The following ADAMTS18 variants were observed in gnomAD, a reference collection of about 807,000 sequenced individuals.
The protein encoded by ADAMTS18 is ADAM metallopeptidase with thrombospondin type 1 motif 18, also known as A disintegrin and metalloproteinase with thrombospondin motifs 18.
In ADAMTS18, 157 loss-of-function variants were observed where a neutral mutation model predicts 165.9. That is an observed-to-expected ratio of 0.95 (90% CI 0.83 to 1.08). The LOEUF (loss-of-function observed/expected upper bound fraction) is 1.08, where lower values mean the gene tolerates loss of function less well. ADAMTS18 is among the 50% of genes least tolerant of loss of function. ADAMTS18 has a pLI of 0.00. For synonymous variants in ADAMTS18, 782 were observed against 578.2 expected, an observed-to-expected ratio of 1.35 and a Z score of -5.06; for missense variants, 2,040 against 1,534.0, an observed-to-expected ratio of 1.33 and a Z score of -5.51.
At chr16:77,378,894 T>A (rs1002235774) in intron 3 of ADAMTS18, 1 of 152,174 alleles carries the variant, frequency 6.6e-6, no homozygotes, top group African/African-American at 2.4e-5. Flanking sequence ...TCCCCTTCAG[T>A]TGGACTTGAA....
chr16:77,344,061 A>G (rs1055287619), intron 10 of ADAMTS18, among the ~76,000 whole-genome samples: 21 of 150,954 alleles, frequency 1.4e-4, no homozygotes, highest in African/African-American at 4.9e-4. Flanking sequence ...AAACACTCAA[A>G]AAAAAAAGCT....
intron 16 of ADAMTS18, among the ~76,000 whole-genome samples, chr16:77,310,543 A>G (rs553535095): frequency 6.6e-6 from 1 of 152,190 alleles, no homozygotes; most frequent in South Asian, 2.1e-4. Flanking sequence ...TTCCCAAAAG[A>G]ATGGAATCCA....
chr16:77,320,981 G>A, intron 15 of ADAMTS18, 98 bp downstream of exon 15: 2 of 1,448,122 alleles, frequency 1.4e-6, no homozygotes. Flanking sequence ...TGTGTCCAGT[G>A]AACTAGTAAA....
Position 77,325,994 on chromosome 16 carries a change from T to C in ADAMTS18, c.1904A>G (p.Tyr635Cys), listed in dbSNP as rs1400121764. 2 of 1,614,000 alleles carry C rather than the reference T, an allele frequency of 1.2e-6. No homozygotes were observed. Among genetic ancestry groups the C allele is most frequent in the Non-Finnish European group, 1.7e-6 (2 of 1,179,994 alleles). Residue 635 changes from tyrosine (Y) to cysteine (C), a missense_variant, in exon 13 of 23, where the codon TAT becomes TGT. By Grantham distance (194) the Tyr-to-Cys change is radical. Coordinates refer to ENST00000282849, the MANE Select transcript of ADAMTS18 (RefSeq NM_199355.4). ...GLFCPGSSRI[Y>C]QLCNINPCNE... is the part of the protein sequence containing the mutation. The stretch of plus-strand genomic sequence containing the variant: ...GCAAGGGTTAATATTGCACAGCTGA[T>C]AAATACGGCTAGAACCTGGACAGAA...
chr16:77,381,771 C>CA (rs1166784358), intron 3 of ADAMTS18, among the ~76,000 whole-genome samples: 1 of 152,174 alleles, frequency 6.6e-6, no homozygotes, highest in African/African-American at 2.4e-5. Flanking sequence ...CACTGCAGTC[C>CA]ACCCTGGGTG....
At chr16:77,306,251 C>G (rs1370565525) in intron 16 of ADAMTS18, among the ~76,000 whole-genome samples, 1 of 152,176 alleles carries the variant, frequency 6.6e-6, no homozygotes, top group African/African-American at 2.4e-5. Context: ...TTAATGTCTA[C>G]CTTTAACACA....
chr16:77,331,185 T>C (rs1292836447), intron 12 of ADAMTS18, among the ~76,000 whole-genome samples: 1 of 152,206 alleles, frequency 6.6e-6, no homozygotes, highest in East Asian at 1.9e-4. Flanking sequence ...AATGCCCTAT[T>C]ATAATGAGAG....
chr16:77,320,630 C>G (rs916936758), intron 15 of ADAMTS18, among the ~76,000 whole-genome samples: 3 of 41,310 alleles, frequency 7.3e-5, no homozygotes, highest in Non-Finnish European at 1.5e-4. Flanking sequence ...CAGAGCAAGA[C>G]TCTGTCTCAA....
chr16:77,431,931 G>A (rs977335604), intron 2 of ADAMTS18, among the ~76,000 whole-genome samples: 2 of 152,094 alleles, frequency 1.3e-5, no homozygotes, highest in East Asian at 3.9e-4. Context: ...AATGGTCTGG[G>A]CCTTTTATAA....
chr16:77,334,866 C>T (rs1339685966), intron 12 of ADAMTS18, among the ~76,000 whole-genome samples: 1 of 126,908 alleles, frequency 7.9e-6, no homozygotes, highest in African/African-American at 3.1e-5. Flanking sequence ...CTATAATGTA[C>T]AGTATATGCA....
chr16:77,429,446 C>T (rs189914404), intron 3 of ADAMTS18, among the ~76,000 whole-genome samples: 9 of 152,068 alleles, frequency 5.9e-5, no homozygotes, highest in Admixed American at 5.2e-4. Flanking sequence ...GGTGGAGGGT[C>T]GGAGAAGATA....
chr16:77,390,300 G>A (rs1019725359), intron 3 of ADAMTS18, among the ~76,000 whole-genome samples: 2 of 152,130 alleles, frequency 1.3e-5, no homozygotes, highest in Admixed American at 1.3e-4. Context: ...GTAATATGTG[G>A]AGAAGAAAAT....
chr16:77,364,519 A>T, intron 4 of ADAMTS18, 138 bp from the exon 5 acceptor site: 1 of 933,622 alleles, frequency 1.1e-6, no homozygotes, highest in Non-Finnish European at 1.6e-6. Context: ...TGATGCTATC[A>T]GTGCCTGCCC....
At chr16:77,381,796 C>T (rs1235226495) in intron 3 of ADAMTS18, among the ~76,000 whole-genome samples, 1 of 151,978 alleles carries the variant, frequency 6.6e-6, no homozygotes, top group Non-Finnish European at 1.5e-5. Flanking sequence ...AGCGAGACTC[C>T]ATCTCAAAAA....
Position 77,359,175 on chromosome 16 carries a change from C to A in ADAMTS18, c.1322+143G>T, listed in dbSNP as rs891134. 256 of 773,424 alleles carry A rather than the reference C, an allele frequency of 3.3e-4. No individual in the cohort carries two copies. The African/African-American group carries it at 3.8e-3, about 12-fold the overall frequency. The allele number at this position is 773,424 out of a possible 1,614,324, so 47.9% of individuals were successfully genotyped here. A position where few individuals can be genotyped will look rare whatever the true frequency, so the allele number is the denominator to read the frequency against. On this transcript the variant is annotated intron_variant, in intron 8 of 22. Transcript: ENST00000282849. The stretch of plus-strand genomic sequence containing the variant: ...AACAACAGCTAGCCTTTAGTGAGCC[C>A]TTTGTATAGTCAGAAACTATTCTAA...
intron 3 of ADAMTS18, among the ~76,000 whole-genome samples, chr16:77,402,225 G>C (rs1284983400): frequency 1.3e-5 from 2 of 152,142 alleles, no homozygotes; most frequent in Non-Finnish European, 1.5e-5. Flanking sequence ...GTTATATAAT[G>C]AGATACTCAA....
chr16:77,313,591 C>T (rs2055825835), intron 16 of ADAMTS18, among the ~76,000 whole-genome samples: 1 of 151,792 alleles, frequency 6.6e-6, no homozygotes, highest in Non-Finnish European at 1.5e-5. Flanking sequence ...AAAATGGTTG[C>T]TTGTCATGAA....
At chr16:77,284,119 TTTTC>T (rs2055201889) in intron 22 of ADAMTS18, 48 bp from the exon 23 acceptor site, 4 of 1,319,952 alleles carry the variant, frequency 3.0e-6, no homozygotes, top group Non-Finnish European at 4.3e-6. Flanking sequence ...TGTCTATCCT[TTTTC>T]TTTTTTTTTT....
intron 22 of ADAMTS18, among the ~76,000 whole-genome samples, chr16:77,286,260 G>C (rs138240000): frequency 2.0e-4 from 31 of 152,230 alleles, no homozygotes; most frequent in Admixed American, 7.9e-4. Context: ...TCAAGTGGTC[G>C]TGCCTGATCA....
Sources: gnomAD v4.1 joint callset for allele counts (sites outside exome capture counted in the v4.1 genomes callset) on GRCh38, gnomAD v4.1.1 for gene constraint, MANE v1.5 for transcripts, NCBI Gene and HGNC (gene_info 2026-07-23, HGNC 2026-07-21) for gene names.